FAT4: variants seen among roughly 807,000 people sequenced by gnomAD.
FAT4 encodes FAT atypical cadherin 4.
FAT4 carries 84 observed loss-of-function variants against 303.9 expected under a neutral mutation model. That is an observed-to-expected ratio of 0.28 (90% CI 0.23 to 0.33). FAT4 has a LOEUF of 0.33. Ranked by LOEUF, FAT4 falls within the 10% of genes least tolerant of loss-of-function variation. The probability of loss-of-function intolerance (pLI) is 1.00; values close to 1 mark genes in which losing one functional copy is unlikely to be tolerated. For synonymous variants in FAT4, 2,307 were observed against 2,298.8 expected, an observed-to-expected ratio of 1.00 and a Z score of -0.10; for missense variants, 6,005 against 6,146.8, an observed-to-expected ratio of 0.98 and a Z score of 0.77.
chr4:125,425,802 G>A (rs1052990255), intron 7 of FAT4, among the ~76,000 whole-genome samples: 7 of 151,960 alleles, frequency 4.6e-5, no homozygotes, highest in African/African-American at 1.7e-4. Flanking sequence ...GTACTAAAGG[G>A]ATATAGAGAT....
rs1371537193 is a variant in FAT4 at position 125,318,047 on chromosome 4, T to C, written c.1636T>C (p.Ser546Pro). Residue 546 changes from serine to proline, a missense_variant, in exon 2 of 18, where the codon TCC (serine) becomes CCC (proline). By Grantham distance (74) the Ser-to-Pro change is moderately conservative. Transcript: ENST00000394329. ...TGGGGGCCTGGACCGTGAACTTGCT[T>C]CCCAGATTGTTCTGAATATAAGTGC... ...SSGGLDRELASQIVLNISARD... is the reference protein window; with the variant it reads ...SSGGLDRELAPQIVLNISARD... 1.2e-6 allele frequency: 2 copies of C among 1,614,116 alleles called. No individual in the cohort carries two copies. Among genetic ancestry groups the C allele is most frequent in the African/African-American group, 1.3e-5 (1 of 75,014 alleles).
intron 7 of FAT4, among the ~76,000 whole-genome samples, chr4:125,418,503 A>T (rs1045464716): frequency 1.3e-5 from 2 of 152,196 alleles, no homozygotes; most frequent in African/African-American, 4.8e-5. Context: ...CTACAACCAC[A>T]GTATCATATG....
In FAT4 at chr4:125,319,745, G is replaced by C; in HGVS notation, c.3334G>C (p.Glu1112Gln). The change falls in exon 2 of 18, where the codon GAG becomes CAG. Residue 1112 changes from glutamate to glutamine, a missense_variant. Physicochemically the swap from Glu to Gln is conservative, Grantham distance 29. Transcript: ENST00000394329. ...STNYTFYFEE[E>Q]QRAGSFVGKV... ...CAATTACACATTTTACTTCGAAGAAGAGCAGAGGGCTGGGTCGTTTGTGGG... is the reference window on the plus strand; with the variant it reads ...CAATTACACATTTTACTTCGAAGAACAGCAGAGGGCTGGGTCGTTTGTGGG... 1.2e-6 allele frequency: 2 copies of C among 1,614,206 alleles called. No homozygotes were observed. The highest frequency in any genetic ancestry group is 1.7e-6 in the Non-Finnish European group (2 of 1,180,042).
intron 3 of FAT4, among the ~76,000 whole-genome samples, chr4:125,400,716 T>TAAAA (rs3034198): frequency 3.3e-5 from 5 of 151,300 alleles, no homozygotes; most frequent in African/African-American, 9.7e-5. Flanking sequence ...TTTTTAAGTT[T>TAAAA]AAAAAAAAAT....
intron 2 of FAT4, among the ~76,000 whole-genome samples, chr4:125,389,469 A>C (rs1285969629): frequency 6.6e-6 from 1 of 152,182 alleles, no homozygotes; most frequent in African/African-American, 2.4e-5. Flanking sequence ...CTAGTTCTAA[A>C]GAAAAAAATG....
At chr4:125,351,519 G>T (rs893300574) in intron 2 of FAT4, among the ~76,000 whole-genome samples, 2 of 151,646 alleles carry the variant, frequency 1.3e-5, no homozygotes, top group African/African-American at 4.8e-5. Context: ...GTATCAGCCT[G>T]TCTGCAAAAC....
In FAT4 at chr4:125,340,699, A is replaced by G. The variant is rs79840239; in HGVS notation, c.5175+19113A>G. 9.1e-3 allele frequency among the ~76,000 whole-genome samples: 1,384 copies of G among 152,322 alleles called. 25 individuals carry two copies. Among genetic ancestry groups the G allele is most frequent in the African/African-American group, 0.032 (1,320 of 41,556 alleles). ...TTCTCTAAAGTTTTCCAGTTTCACT[A>G]GTTCTTTGAAGTAGTAGTTGTGTAG... On this transcript the variant is annotated intron_variant, in intron 2 of 17. Coordinates refer to ENST00000394329, the MANE Select transcript of FAT4 (RefSeq NM_001291303.3).
At chr4:125,377,018 T>C (rs1050245874) in intron 2 of FAT4, among the ~76,000 whole-genome samples, 3 of 152,326 alleles carry the variant, frequency 2.0e-5, no homozygotes, top group Admixed American at 6.5e-5. Context: ...TTTTCTCTTA[T>C]CATAAGGGAA....
chr4:125,463,682 T>C lies in FAT4; in HGVS notation c.11905+15T>C, dbSNP rs1240674683. The C allele has an allele frequency of 1.4e-6, 2 of 1,480,408 alleles. No individual in the cohort carries two copies. The highest frequency in any genetic ancestry group is 1.3e-5 in the South Asian group (1 of 75,016). 91.7% of individuals were successfully genotyped at this position (1,480,408 alleles called of 1,614,324 possible). A position where few individuals can be genotyped will look rare whatever the true frequency, so the allele number is the denominator to read the frequency against. On this transcript the variant is annotated intron_variant, in intron 11 of 17. Coordinates refer to ENST00000394329, the MANE Select transcript of FAT4 (RefSeq NM_001291303.3). ...TTGTCCATTTGGTGAGTAAAACTTA[T>C]TTGTTGATATAAAATATAAGTTTAT...
chr4:125,415,316 C>G lies in FAT4; in HGVS notation c.6353C>G (p.Ser2118Cys). ...GGAGAACTGGACAGAGAAGAAGTTT[C>G]TAATTATACTCTAACAGTGGTGGCT... ...LTGELDREEV[S>C]NYTLTVVATD... The change falls in exon 6 of 18, where the codon TCT (serine) becomes TGT (cysteine). Residue 2118 changes from serine (S) to cysteine (C), a missense_variant. Transcript: ENST00000394329. 1 of 1,613,982 alleles carries G rather than the reference C, an allele frequency of 6.2e-7. No homozygotes were observed. The highest frequency in any genetic ancestry group is 2.2e-5 in the East Asian group (1 of 44,852).
chr4:125,348,869 T>C (rs1213227866), intron 2 of FAT4, among the ~76,000 whole-genome samples: 1 of 151,786 alleles, frequency 6.6e-6, no homozygotes, highest in Non-Finnish European at 1.5e-5. Context: ...GCATATTTTA[T>C]GATGCTAAGG....
intron 7 of FAT4, among the ~76,000 whole-genome samples, chr4:125,430,993 C>T (rs1255181419): frequency 1.3e-5 from 2 of 152,138 alleles, no homozygotes; most frequent in East Asian, 3.9e-4. Context: ...AAACAGGGCT[C>T]ATTTTTTACT....
At chr4:125,462,538 A>G (rs554975751) in intron 10 of FAT4, among the ~76,000 whole-genome samples, 3 of 152,140 alleles carry the variant, frequency 2.0e-5, no homozygotes, top group Admixed American at 2.0e-4. Flanking sequence ...CTTTAAAGTT[A>G]TAGAACAGTG....
intron 12 of FAT4, among the ~76,000 whole-genome samples, chr4:125,472,933 A>T (rs889126205): frequency 5.3e-5 from 8 of 152,084 alleles, no homozygotes; most frequent in African/African-American, 1.7e-4. Flanking sequence ...GAAGTATTGT[A>T]TGGTTTTTAT....
chr4:125,455,328 G>A (rs1726240595), intron 10 of FAT4, among the ~76,000 whole-genome samples: 1 of 152,052 alleles, frequency 6.6e-6, no homozygotes, highest in African/African-American at 2.4e-5. Context: ...CTTCTGTCTG[G>A]CTTGTTTATT....
chr4:125,396,752 A>G (rs542613471), intron 2 of FAT4, among the ~76,000 whole-genome samples: 22 of 152,236 alleles, frequency 1.4e-4, no homozygotes, highest in African/African-American at 5.3e-4. Flanking sequence ...TTAAAATTCT[A>G]TGAATCTAAA....
intron 8 of FAT4, among the ~76,000 whole-genome samples, chr4:125,436,282 T>C (rs760647791): frequency 6.6e-6 from 1 of 152,036 alleles, no homozygotes; most frequent in African/African-American, 2.4e-5. Context: ...CCTAGGCAGA[T>C]CATGATATGA....
intron 7 of FAT4, among the ~76,000 whole-genome samples, chr4:125,425,141 G>T (rs1725045344): frequency 6.6e-6 from 1 of 152,264 alleles, no homozygotes; most frequent in East Asian, 1.9e-4. Context: ...CACACTTAGT[G>T]CTTGTAAGTT....
chr4:125,380,115 A>T (rs897813687), intron 2 of FAT4, among the ~76,000 whole-genome samples: 3 of 151,536 alleles, frequency 2.0e-5, no homozygotes, highest in African/African-American at 7.3e-5. Context: ...ATGGTCTCGA[A>T]CTCCCAACAT....
Sources: allele counts gnomAD v4.1 joint callset (sites outside exome capture counted in the v4.1 genomes callset), GRCh38; gene constraint gnomAD v4.1.1; transcripts MANE v1.5; gene names NCBI Gene and HGNC (gene_info 2026-07-23, HGNC 2026-07-21).